Variants in FAM222A observed in about 807,000 individuals in gnomAD.
The protein encoded by FAM222A is family with sequence similarity 222 member A, also known as protein FAM222A.
A neutral mutation model predicts 25.8 loss-of-function variants in FAM222A; 7 were observed. The ratio of observed to expected loss-of-function variants is 0.27; its 90% CI spans 0.15 to 0.51. The LOEUF is 0.51. Among genes scored for constraint, FAM222A ranks in the 20% least tolerant of loss-of-function variants. The pLI is 0.97. For missense variants in FAM222A, 573 were observed against 640.5 expected, an observed-to-expected ratio of 0.89 and a Z score of 1.14; for synonymous variants, 294 against 298.8, an observed-to-expected ratio of 0.98 and a Z score of 0.17.
chr12:109,768,806 C>T lies in FAM222A; in HGVS notation c.877C>T (p.Pro293Ser). The change falls in exon 3 of 3, where the codon CCC (proline) becomes TCC (serine). Residue 293 changes from proline (P) to serine (S), a missense_variant. Physicochemically the swap from Pro to Ser is moderately conservative, Grantham distance 74. Transcript: ENST00000538780. Reference protein sequence around the residue: ...LDYLLWPQKPPPPPPQPLRAY... With the variant: ...LDYLLWPQKPSPPPPQPLRAY... The stretch of plus-strand genomic sequence containing the variant: ...TTACCTGCTGTGGCCGCAGAAACCG[C>T]CCCCACCGCCGCCCCAGCCACTGCG... 2 of 1,573,232 alleles carry T rather than the reference C, an allele frequency of 1.3e-6. No individual in the cohort carries two copies. The highest frequency in any genetic ancestry group is 1.1e-5 in the South Asian group (1 of 87,350).
chr12:109,724,184 G>A (rs1397894941), intron 1 of FAM222A, among the ~76,000 whole-genome samples: 1 of 152,216 alleles, frequency 6.6e-6, no homozygotes. Context: ...AACCCACTGA[G>A]ATCTCTCACA....
At chr12:109,719,044 A>G (rs1887700874) in intron 1 of FAM222A, among the ~76,000 whole-genome samples, 1 of 151,920 alleles carries the variant, frequency 6.6e-6, no homozygotes, top group Admixed American at 6.6e-5. Context: ...GGAAACGGAG[A>G]CCCTGGGGAA....
Position 109,766,097 on chromosome 12 carries a change from C to T in FAM222A, c.83-1915C>T, listed in dbSNP as rs147810035. Among the ~76,000 whole-genome samples the T allele has an allele frequency of 3.4e-4, 52 of 152,322 alleles. No individual in the cohort carries two copies. In the East Asian group the frequency reaches 8.5e-3, roughly 25 times the overall value. On this transcript the variant is annotated intron_variant, in intron 2 of 2. Transcript: ENST00000538780. ...TGTACCTCACCCCCTACTGAGCCCC[C>T]GGCGCCTCCATTCCTTGAGGCCACC... is the stretch of plus-strand genomic sequence containing the variant.
At chr12:109,736,890 A>G (rs1042620097) in intron 1 of FAM222A, among the ~76,000 whole-genome samples, 2 of 152,056 alleles carry the variant, frequency 1.3e-5, no homozygotes, top group African/African-American at 4.8e-5. Flanking sequence ...GTGTCCCAGT[A>G]GGACACTTCC....
Position 109,744,240 on chromosome 12 carries a change from G to A in FAM222A, c.82+12G>A, listed in dbSNP as rs528152380. 310 of 1,609,524 alleles carry A rather than the reference G, an allele frequency of 1.9e-4. 8 individuals are homozygous for A. In the South Asian group the frequency reaches 3.0e-3, roughly 16 times the overall value. ...GGAGCTGCGCAAGTGTGAGTAGGAC[G>A]CCTCCCCAGCCTTTGCAGGGCAGGT... On this transcript the variant is annotated intron_variant, in intron 2 of 2. Coordinates refer to ENST00000538780, the MANE Select transcript of FAM222A (RefSeq NM_032829.3).
chr12:109,751,838 T>C (rs1340313781), intron 2 of FAM222A, among the ~76,000 whole-genome samples: 1 of 152,228 alleles, frequency 6.6e-6, no homozygotes, highest in Non-Finnish European at 1.5e-5. Flanking sequence ...CCCTTTTTTC[T>C]GCTTCTTAGC....
At chr12:109,744,533 G>A (rs533011519) in intron 2 of FAM222A, 3 of 985,372 alleles carry the variant, frequency 3.0e-6, no homozygotes, top group African/African-American at 3.5e-5. Context: ...CCATTATCTA[G>A]CCATGTGTGT....
At chr12:109,762,988 C>T (rs1367239813) in intron 2 of FAM222A, among the ~76,000 whole-genome samples, 5 of 152,188 alleles carry the variant, frequency 3.3e-5, no homozygotes, top group Non-Finnish European at 5.9e-5. Context: ...GGGCTCAGGG[C>T]CACCAGCTGG....
Position 109,742,783 on chromosome 12 carries a change from G to A in FAM222A, c.-46-1318G>A, listed in dbSNP as rs369359488. On this transcript the variant is annotated intron_variant, in intron 1 of 2. Transcript: ENST00000538780. ...CATTTACCGAGAGGCCAGGACAGAC[G>A]GGAGGCTGCAACCGTCTCCGGGAAA... Among the ~76,000 whole-genome samples, 341 of 152,194 alleles carry A rather than the reference G, an allele frequency of 2.2e-3. 1 individual carries two copies. Among genetic ancestry groups the A allele is most frequent in the African/African-American group, 7.9e-3 (327 of 41,510 alleles).
At chr12:109,720,196 G>A in intron 1 of FAM222A, 2 of 985,432 alleles carry the variant, frequency 2.0e-6, no homozygotes, top group Non-Finnish European at 2.4e-6. Context: ...GGGGCCCTGG[G>A]GGCCCCTGCT....
chr12:109,725,873 A>G (rs1465822170), intron 1 of FAM222A, among the ~76,000 whole-genome samples: 1 of 152,044 alleles, frequency 6.6e-6, no homozygotes, highest in Non-Finnish European at 1.5e-5. Flanking sequence ...CTATAAACAT[A>G]AAAGGGAAAC....
At chr12:109,728,359 G>T (rs61943762) in intron 1 of FAM222A, among the ~76,000 whole-genome samples, 3,840 of 152,232 alleles carry the variant, frequency 0.025, 128 homozygotes, top group African/African-American at 0.07. Context: ...GAGATAACAC[G>T]GGGATTGTGG....
chr12:109,734,837 A>G (rs1241736135), intron 1 of FAM222A: 1 of 152,172 alleles, frequency 6.6e-6, no homozygotes, highest in African/African-American at 2.4e-5. Context: ...GGGGTTAGAG[A>G]CACGACGCCC....
intron 1 of FAM222A, among the ~76,000 whole-genome samples, chr12:109,741,942 G>A (rs928467907): frequency 3.9e-5 from 6 of 152,210 alleles, no homozygotes; most frequent in Non-Finnish European, 7.3e-5. Context: ...TGTGGCTTGG[G>A]TTTCCCATTT....
chr12:109,754,725 T>C (rs1352999410), intron 2 of FAM222A, among the ~76,000 whole-genome samples: 5 of 151,912 alleles, frequency 3.3e-5, no homozygotes, highest in Non-Finnish European at 7.4e-5. Flanking sequence ...TGGTGGGCAG[T>C]GGCATGGTCA....
At chr12:109,746,973 C>T (rs184111970) in intron 2 of FAM222A, among the ~76,000 whole-genome samples, 61 of 152,320 alleles carry the variant, frequency 4.0e-4, no homozygotes, top group African/African-American at 1.4e-3. Flanking sequence ...ATACCAGTTG[C>T]GCATCCCAAA....
intron 1 of FAM222A, among the ~76,000 whole-genome samples, chr12:109,742,534 T>G (rs1218111530): frequency 6.6e-6 from 1 of 151,924 alleles, no homozygotes; most frequent in East Asian, 1.9e-4. Flanking sequence ...GTCTCTGTGT[T>G]AAGGCTGGCG....
At position 109,744,425 on chromosome 12, in the gene FAM222A, T is replaced by G. The variant is rs939851021; in HGVS notation, c.82+197T>G. ...CACCCACTCCTTTGGCCAGCTCCTG[T>G]GGAGCAAGACTCTCAACTCTGGCTT... On this transcript the variant is annotated intron_variant, in intron 2 of 2. Coordinates refer to ENST00000538780, the MANE Select transcript of FAM222A (RefSeq NM_032829.3). 1.2e-5 allele frequency: 12 copies of G among 985,362 alleles called. No individual in the cohort carries two copies. The South Asian group carries it at 5.2e-4, about 42-fold the overall frequency. The allele number at this position is 985,362 out of a possible 1,614,324, so 61.0% of individuals were successfully genotyped here. A position where few individuals can be genotyped will look rare whatever the true frequency, so the allele number is the denominator to read the frequency against.
intron 2 of FAM222A, among the ~76,000 whole-genome samples, chr12:109,748,913 T>C (rs997892364): frequency 6.6e-6 from 1 of 152,168 alleles, no homozygotes; most frequent in African/African-American, 2.4e-5. Flanking sequence ...TTTTTTCCCT[T>C]AGAGAGTTAC....
Sources: gnomAD v4.1 joint callset for allele counts (sites outside exome capture counted in the v4.1 genomes callset) on GRCh38, gnomAD v4.1.1 for gene constraint, MANE v1.5 for transcripts, NCBI Gene and HGNC (gene_info 2026-07-23, HGNC 2026-07-21) for gene names.